Variants in HOXA3 observed in about 807,000 individuals in gnomAD.
HOXA3 encodes the protein homeobox protein Hox-A3.
Under a neutral mutation model 30.3 loss-of-function variants are expected in HOXA3, and 8 were observed. The ratio of observed to expected loss-of-function variants is 0.26; its 90% CI spans 0.15 to 0.48. The LOEUF (loss-of-function observed/expected upper bound fraction) is 0.48. Ranked by LOEUF, HOXA3 falls within the 20% of genes least tolerant of loss-of-function variation. HOXA3 has a pLI of 0.99. For synonymous variants in HOXA3, 323 were observed against 273.1 expected, an observed-to-expected ratio of 1.18 and a Z score of -1.80; for missense variants, 653 against 614.4, an observed-to-expected ratio of 1.06 and a Z score of -0.66.
chr7:27,131,467 T>G (rs1447056809), intron 2 of HOXA3, among the ~76,000 whole-genome samples: 1 of 152,244 alleles, frequency 6.6e-6, no homozygotes, highest in Non-Finnish European at 1.5e-5. Context: ...AGGATGTAAA[T>G]CGAGGCCATT....
chr7:27,129,667 T>C (rs754887045), intron 2 of HOXA3: 76 of 1,298,794 alleles, frequency 5.9e-5, no homozygotes, highest in Non-Finnish European at 7.8e-5. Context: ...GGAAGAGCAA[T>C]TGGACATCAT....
rs148171754 is a variant in HOXA3, at chr7:27,135,181, C to CT, written c.-390+4901dup. 8.8e-3 allele frequency among the ~76,000 whole-genome samples: 1,307 copies of CT among 147,822 alleles called. 14 individuals are homozygous for CT. Among genetic ancestry groups the CT allele is most frequent in the East Asian group, 0.053 (270 of 5,078 alleles). ...TTAGGTTGCTTTATCTTCTCCTTGGCTTTTTTTTTTAATTCCACGTGTATC... is the reference window on the plus strand; with the variant it reads ...TTAGGTTGCTTTATCTTCTCCTTGGCTTTTTTTTTTTAATTCCACGTGTATC... On this transcript the variant is annotated intron_variant, in intron 2 of 5. Transcript: ENST00000612286.
At chr7:27,142,114 A>G in intron 1 of HOXA3, 1 of 1,602,418 alleles carries the variant, frequency 6.2e-7, no homozygotes, top group East Asian at 2.2e-5. Context: ...CGGTTTAGCC[A>G]CCAACTCCTG....
intron 4 of HOXA3, chr7:27,119,369 C>T (rs1784897315): frequency 6.6e-6 from 1 of 152,112 alleles, no homozygotes; most frequent in Non-Finnish European, 1.5e-5. Flanking sequence ...TCAGAACTCT[C>T]AAAATAATCT....
chr7:27,143,787 A>C, intron 1 of HOXA3: 1 of 1,163,282 alleles, frequency 8.6e-7, no homozygotes, highest in Non-Finnish European at 1.1e-6. Flanking sequence ...CCAGTCGTAA[A>C]TCCTGCCTGA....
At chr7:27,122,470 G>C (rs1034322808) in intron 4 of HOXA3, 89 bp downstream of exon 4, 1 of 152,226 alleles carries the variant, frequency 6.6e-6, no homozygotes, top group African/African-American at 2.4e-5. Flanking sequence ...TCAACAGGCC[G>C]CGGTTGCCAG....
chr7:27,129,916 G>C (rs1009733011), intron 2 of HOXA3: 6 of 630,958 alleles, frequency 9.5e-6, no homozygotes, highest in Non-Finnish European at 1.6e-5. Flanking sequence ...CTGATAAAGG[G>C]ACCCTGGGTA....
At chr7:27,123,793 C>G (rs1395171644) in intron 3 of HOXA3, 1 of 152,414 alleles carries the variant, frequency 6.6e-6, no homozygotes, top group Non-Finnish European at 1.5e-5. Flanking sequence ...CAAGTGGCCG[C>G]ACACCGGTAG....
At chr7:27,125,902 T>C (rs1785261055) in intron 3 of HOXA3, among the ~76,000 whole-genome samples, 1 of 152,150 alleles carries the variant, frequency 6.6e-6, no homozygotes, top group African/African-American at 2.4e-5. Flanking sequence ...GGAAAGATGG[T>C]GATATCCACC....
In HOXA3 at chr7:27,146,251, T is replaced by TGTTTG. The variant is rs1782763250; in HGVS notation, c.-494+6036_-494+6037insCAAAC. On this transcript the variant is annotated intron_variant, in intron 1 of 5. Coordinates refer to ENST00000612286, the MANE Select transcript of HOXA3 (RefSeq NM_153631.3). ...GGGGATGCAGGGTGTGTGTGTGTGT[T>TGTTTG]TGTGTGTGTGTGTGTGTGTGTGTCT... is the stretch of plus-strand genomic sequence containing the variant. 2.7e-5 allele frequency among the ~76,000 whole-genome samples: 4 copies of TGTTTG among 149,112 alleles called. No homozygotes were observed. In the South Asian group the frequency reaches 8.6e-4, roughly 32 times the overall value.
chr7:27,112,637 CCTTTT>C (rs1784440766), intron 4 of HOXA3, among the ~76,000 whole-genome samples: 1 of 152,186 alleles, frequency 6.6e-6, no homozygotes. Flanking sequence ...GTATCCGTTT[CCTTTT>C]CTTTTACTGA....
At chr7:27,111,027 G>A (rs1379470737) in intron 4 of HOXA3, among the ~76,000 whole-genome samples, 2 of 152,122 alleles carry the variant, frequency 1.3e-5, no homozygotes, top group East Asian at 1.9e-4. Flanking sequence ...CTCAGGAGCC[G>A]GGATCCAAAA....
At chr7:27,143,716 G>T in intron 1 of HOXA3, 4 of 1,463,178 alleles carry the variant, frequency 2.7e-6, no homozygotes, top group Non-Finnish European at 3.6e-6. Flanking sequence ...CATGTACTTG[G>T]TTCCCTCCTA....
chr7:27,146,187 G>A (rs1216310144), intron 1 of HOXA3, among the ~76,000 whole-genome samples: 1 of 152,138 alleles, frequency 6.6e-6, no homozygotes, highest in Non-Finnish European at 1.5e-5. Context: ...ATAACAGAAT[G>A]AGCATTCTTA....
chr7:27,141,790 C>G (rs555485879), intron 1 of HOXA3: 15 of 1,597,086 alleles, frequency 9.4e-6, no homozygotes, highest in South Asian at 2.3e-5. Flanking sequence ...ACTGACACTA[C>G]GCGGGATCCG....
chr7:27,144,529 A>G (rs1268849281), intron 1 of HOXA3, among the ~76,000 whole-genome samples: 3 of 152,182 alleles, frequency 2.0e-5, no homozygotes, highest in African/African-American at 4.8e-5. Flanking sequence ...GAAAATCTTC[A>G]TCACAGGGTC....
At position 27,110,719 on chromosome 7, in the gene HOXA3, G is replaced by A; in HGVS notation, c.-79C>T. 1 of 1,574,764 alleles carries A rather than the reference G, an allele frequency of 6.4e-7. No homozygotes were observed. Among genetic ancestry groups the A allele is most frequent in the South Asian group, 1.1e-5 (1 of 89,498 alleles). Reference sequence around the variant, plus strand: ...AGGGCGCACATTGGCACGCCCCCGCGGTCACGTGACACTCCGCCGCCAATG... The same window carrying A: ...AGGGCGCACATTGGCACGCCCCCGCAGTCACGTGACACTCCGCCGCCAATG... On this transcript the variant is annotated 5_prime_UTR_variant, in exon 5 of 6. Transcript: ENST00000612286.
chr7:27,109,178 T>G (rs1784219655), intron 5 of HOXA3, among the ~76,000 whole-genome samples: 1 of 152,136 alleles, frequency 6.6e-6, no homozygotes. Context: ...ACTGGCCACT[T>G]TTTTCTCTCT....
At chr7:27,125,250 T>C (rs1291876843) in intron 3 of HOXA3, among the ~76,000 whole-genome samples, 1 of 152,244 alleles carries the variant, frequency 6.6e-6, no homozygotes, top group Non-Finnish European at 1.5e-5. Context: ...GGGAGGATCA[T>C]TCGGCTGCCT....
Sources: allele counts gnomAD v4.1 joint callset (sites outside exome capture counted in the v4.1 genomes callset), GRCh38; gene constraint gnomAD v4.1.1; transcripts MANE v1.5; gene names NCBI Gene and HGNC (gene_info 2026-07-23, HGNC 2026-07-21).